Variants in TEAD4 observed in about 807,000 individuals in gnomAD.
TEAD4 encodes transcriptional enhancer factor TEF-3.
A neutral mutation model predicts 52.4 loss-of-function variants in TEAD4; 36 were observed. The observed-to-expected ratio is 0.69, with a 90% CI of 0.53 to 0.91. The LOEUF (loss-of-function observed/expected upper bound fraction) is 0.91. Ranked by LOEUF, TEAD4 falls within the 40% of genes least tolerant of loss-of-function variation. TEAD4 has a pLI of 0.00. For synonymous variants in TEAD4, 220 were observed against 231.0 expected, an observed-to-expected ratio of 0.95 and a Z score of 0.43; for missense variants, 508 against 583.9, an observed-to-expected ratio of 0.87 and a Z score of 1.34.
intron 3 of TEAD4, among the ~76,000 whole-genome samples, chr12:2,998,359 C>T (rs1030804198): frequency 6.6e-5 from 10 of 152,042 alleles, no homozygotes; most frequent in South Asian, 4.2e-4. Flanking sequence ...CCTGGGGAAG[C>T]GCCGGGCTGT....
At chr12:2,995,950 T>C (rs184900959) in intron 3 of TEAD4, among the ~76,000 whole-genome samples, 14 of 151,656 alleles carry the variant, frequency 9.2e-5, no homozygotes, top group Admixed American at 3.3e-4. Flanking sequence ...CAAGGCTGCA[T>C]TGAGCCATGA....
chr12:2,980,362 C>T (rs1465276947), intron 2 of TEAD4, among the ~76,000 whole-genome samples: 1 of 152,174 alleles, frequency 6.6e-6, no homozygotes, highest in Non-Finnish European at 1.5e-5. Context: ...CTACCCCTCC[C>T]TCCAACTCTG....
At chr12:2,990,389 A>G (rs2098242010) in intron 2 of TEAD4, among the ~76,000 whole-genome samples, 1 of 146,242 alleles carries the variant, frequency 6.8e-6, no homozygotes, top group African/African-American at 2.6e-5. Flanking sequence ...ATTAAAGGGT[A>G]GGCCCTTGGT....
rs140585812 is a variant in TEAD4, at chr12:3,022,634, C to T, written c.897+617C>T. 3.4e-3 allele frequency among the ~76,000 whole-genome samples: 512 copies of T among 152,330 alleles called. 4 individuals are homozygous for T. The highest frequency in any genetic ancestry group is 0.012 in the African/African-American group (502 of 41,568). On this transcript the variant is annotated intron_variant, in intron 10 of 12. Coordinates refer to ENST00000359864, the MANE Select transcript of TEAD4 (RefSeq NM_003213.4). ...GCAGGTATTTTGTGGGTGGAACCTCCTCCATTGAAACGTCTTGTCTGAGGC... is the reference window on the plus strand; with the variant it reads ...GCAGGTATTTTGTGGGTGGAACCTCTTCCATTGAAACGTCTTGTCTGAGGC...
intron 3 of TEAD4, among the ~76,000 whole-genome samples, chr12:2,998,109 T>A (rs1436728954): frequency 6.6e-6 from 1 of 152,180 alleles, no homozygotes. Context: ...TGCCCTTTTG[T>A]GACTGGCTAA....
At chr12:2,995,124 T>G in intron 3 of TEAD4, 132 bp downstream of exon 3, 15 of 1,076,390 alleles carry the variant, frequency 1.4e-5, no homozygotes, top group East Asian at 6.9e-5. Flanking sequence ...ACTGCTTTCT[T>G]CCCTCCTGGG....
intron 2 of TEAD4, among the ~76,000 whole-genome samples, chr12:2,993,532 G>T (rs7487185): frequency 6.6e-6 from 1 of 152,064 alleles, no homozygotes; most frequent in Non-Finnish European, 1.5e-5. Context: ...GTGCAGTGGC[G>T]CAATCATGGC....
At chr12:2,976,310 C>T (rs1300170798) in intron 2 of TEAD4, among the ~76,000 whole-genome samples, 1 of 151,280 alleles carries the variant, frequency 6.6e-6, no homozygotes, top group African/African-American at 2.4e-5. Context: ...CCACACCTGG[C>T]CATCTCATTT....
intron 5 of TEAD4, 31 bp from the exon 6 acceptor site, chr12:3,017,367 C>T: frequency 1.2e-6 from 2 of 1,613,856 alleles, no homozygotes; most frequent in South Asian, 2.2e-5. Context: ...AGTGACCCTG[C>T]TGAGGTCCTC....
At chr12:2,997,931 A>G (rs2098248557) in intron 3 of TEAD4, among the ~76,000 whole-genome samples, 3 of 152,096 alleles carry the variant, frequency 2.0e-5, no homozygotes, top group Non-Finnish European at 4.4e-5. Context: ...ACTACCACCC[A>G]TCGCCAGAAA....
chr12:2,998,341 T>G (rs1368914388), intron 3 of TEAD4, among the ~76,000 whole-genome samples: 1 of 152,044 alleles, frequency 6.6e-6, no homozygotes, highest in Non-Finnish European at 1.5e-5. Flanking sequence ...TAAGAGACCG[T>G]GACCAACCCT....
chr12:2,982,276 G>T (rs1255362221), intron 2 of TEAD4, among the ~76,000 whole-genome samples: 1 of 152,198 alleles, frequency 6.6e-6, no homozygotes, highest in Non-Finnish European at 1.5e-5. Flanking sequence ...TGAGTAATTA[G>T]CACCTGTGGG....
chr12:2,962,997 G>T (rs1591549229), intron 2 of TEAD4, among the ~76,000 whole-genome samples: 1 of 152,126 alleles, frequency 6.6e-6, no homozygotes, highest in African/African-American at 2.4e-5. Flanking sequence ...ATGCCTTGTC[G>T]CTCAGATAAG....
chr12:2,980,264 C>T (rs1187281336), intron 2 of TEAD4, among the ~76,000 whole-genome samples: 1 of 152,144 alleles, frequency 6.6e-6, no homozygotes, highest in Non-Finnish European at 1.5e-5. Context: ...GCCGTAGGAA[C>T]AGTGGGGTCC....
At chr12:2,960,387 A>G in intron 2 of TEAD4, 7 of 985,530 alleles carry the variant, frequency 7.1e-6, no homozygotes, top group Non-Finnish European at 8.4e-6. Context: ...TGCAAAGGCG[A>G]TGCGAAAGTC....
chr12:2,973,101 A>ACT (rs1244604474), intron 2 of TEAD4, among the ~76,000 whole-genome samples: 11 of 152,130 alleles, frequency 7.2e-5, no homozygotes, highest in African/African-American at 2.7e-4. Flanking sequence ...GCAGTTACAT[A>ACT]GCTCTTTGGG....
At chr12:2,979,517 G>A (rs1013521807) in intron 2 of TEAD4, among the ~76,000 whole-genome samples, 1 of 152,258 alleles carries the variant, frequency 6.6e-6, no homozygotes, top group Non-Finnish European at 1.5e-5. Flanking sequence ...CTGGGAGCGT[G>A]CGCGTCAGGC....
intron 4 of TEAD4, among the ~76,000 whole-genome samples, chr12:3,011,668 CT>C (rs1287076846): frequency 6.6e-6 from 1 of 152,064 alleles, no homozygotes; most frequent in African/African-American, 2.4e-5. Flanking sequence ...CACTACTTTT[CT>C]TTTTTGTTGT....
At chr12:3,000,638 G>A (rs148201638) in intron 3 of TEAD4, among the ~76,000 whole-genome samples, 1 of 152,138 alleles carries the variant, frequency 6.6e-6, no homozygotes, top group Non-Finnish European at 1.5e-5. Flanking sequence ...TTTTGGAGGG[G>A]ACTAATATTC....
Sources: gnomAD v4.1 joint callset for allele counts (sites outside exome capture counted in the v4.1 genomes callset) on GRCh38, gnomAD v4.1.1 for gene constraint, MANE v1.5 for transcripts, NCBI Gene and HGNC (gene_info 2026-07-23, HGNC 2026-07-21) for gene names.